TMEM132B: variants seen among roughly 807,000 people sequenced by gnomAD.
TMEM132B encodes transmembrane protein 132B.
Under a neutral mutation model 90.8 loss-of-function variants are expected in TMEM132B, and 18 were observed. That is an observed-to-expected ratio of 0.20 (90% CI 0.14 to 0.29). The LOEUF is 0.29. Among genes scored for constraint, TMEM132B ranks in the 10% least tolerant of loss-of-function variants. TMEM132B has a pLI of 1.00. For missense variants in TMEM132B, 1,096 were observed against 1,326.8 expected (o/e 0.83, Z 2.70); for synonymous variants, 504 against 523.3 (o/e 0.96, Z 0.50).
chr12:125,571,670 C>G (rs10773174), intron 4 of TMEM132B, among the ~76,000 whole-genome samples: 48,873 of 152,026 alleles, frequency 0.32, 9,119 homozygotes, highest in East Asian at 0.58. Context: ...AATACCTTCA[C>G]TAAAATCCCC....
At chr12:125,508,045 T>C (rs1362175166) in intron 3 of TMEM132B, among the ~76,000 whole-genome samples, 1 of 152,170 alleles carries the variant, frequency 6.6e-6, no homozygotes, top group Non-Finnish European at 1.5e-5. Context: ...CTGGACACAT[T>C]ACACGTGCAC....
chr12:125,473,576 A>G (rs944185803), intron 3 of TMEM132B, among the ~76,000 whole-genome samples: 2 of 152,150 alleles, frequency 1.3e-5, no homozygotes, highest in African/African-American at 4.8e-5. Context: ...GTTGAAGTAT[A>G]TTTTCATTCT....
chr12:125,351,011 T>C (rs1304232256), intron 2 of TMEM132B, among the ~76,000 whole-genome samples: 2 of 152,292 alleles, frequency 1.3e-5, no homozygotes, highest in African/African-American at 2.4e-5. Flanking sequence ...AGTTTTTTAG[T>C]GCGGGGGTTT....
chr12:125,653,718 G>A lies in TMEM132B; in HGVS notation c.2260G>A (p.Val754Ile), dbSNP rs868358981. Reference protein sequence around the residue: ...ANLESKWPIVVAEGEGQGPLI... With the variant: ...ANLESKWPIVIAEGEGQGPLI... ...CCTTGAGTCCAAATGGCCAATTGTG[G>A]TTGCAGAGGGTGAAGGACAAGGGCC... Residue 754 changes from valine to isoleucine, a missense_variant, in exon 9 of 9, where the codon GTT (valine) becomes ATT (isoleucine). By Grantham distance (29) the Val-to-Ile change is conservative (BLOSUM62 3). Transcript: ENST00000682704. 1 of 1,614,124 alleles carries A rather than the reference G, an allele frequency of 6.2e-7. No homozygotes were observed. The highest frequency in any genetic ancestry group is 1.6e-4 in the Middle Eastern group (1 of 6,062).
At chr12:125,198,264 G>A (rs1872974358) in intron 1 of TMEM132B, among the ~76,000 whole-genome samples, 1 of 152,220 alleles carries the variant, frequency 6.6e-6, no homozygotes, top group Non-Finnish European at 1.5e-5. Flanking sequence ...ACAAAAATGG[G>A]AATGTAGGCA....
chr12:125,370,286 A>T (rs1265786045), intron 2 of TMEM132B, among the ~76,000 whole-genome samples: 1 of 152,228 alleles, frequency 6.6e-6, no homozygotes, highest in African/African-American at 2.4e-5. Context: ...GGATTTTATG[A>T]TTATGTTGTT....
At chr12:125,386,582 C>T (rs1878842159) in intron 2 of TMEM132B, among the ~76,000 whole-genome samples, 1 of 152,068 alleles carries the variant, frequency 6.6e-6, no homozygotes, top group Admixed American at 6.5e-5. Flanking sequence ...TCTACTTGTT[C>T]GTTTGTTACA....
chr12:125,450,168 T>A lies in TMEM132B; in HGVS notation c.1106+34491T>A, dbSNP rs555353768. The stretch of plus-strand genomic sequence containing the variant: ...GCTATGAGGATAACTTGCAGTCAAA[T>A]TTTACCATTTTATATTCTTTTGTAT... On this transcript the variant is annotated intron_variant, in intron 3 of 8. Transcript: ENST00000682704. 9.2e-5 allele frequency among the ~76,000 whole-genome samples: 14 copies of A among 152,324 alleles called. No individual in the cohort carries two copies. The South Asian group carries it at 2.9e-3, about 32-fold the overall frequency.
At chr12:125,379,711 T>C (rs1181135815) in intron 2 of TMEM132B, among the ~76,000 whole-genome samples, 1 of 152,220 alleles carries the variant, frequency 6.6e-6, no homozygotes, top group Non-Finnish European at 1.5e-5. Context: ...GCTTTGCCAT[T>C]GAGCAGAGCC....
intron 1 of TMEM132B, among the ~76,000 whole-genome samples, chr12:125,205,720 G>A (rs539959524): frequency 6.6e-6 from 1 of 152,342 alleles, no homozygotes; most frequent in African/African-American, 2.4e-5. Context: ...TTCAGTGTGA[G>A]TGTCTCAAGA....
chr12:125,525,722 A>G (rs528593988), intron 4 of TMEM132B, among the ~76,000 whole-genome samples: 39 of 152,128 alleles, frequency 2.6e-4, no homozygotes, highest in Non-Finnish European at 5.0e-4. Context: ...CTCTTAGCCA[A>G]CGGCCACTCC....
At chr12:125,573,780 T>A (rs1884864407) in intron 4 of TMEM132B, among the ~76,000 whole-genome samples, 2 of 152,178 alleles carry the variant, frequency 1.3e-5, no homozygotes, top group African/African-American at 4.8e-5. Context: ...ATTCCACCTG[T>A]GTTTCATTGG....
chr12:125,295,257 G>A (rs953039999), intron 1 of TMEM132B, among the ~76,000 whole-genome samples: 5 of 152,236 alleles, frequency 3.3e-5, no homozygotes, highest in Non-Finnish European at 5.9e-5. Flanking sequence ...TGGGCTGGGA[G>A]TGGGAGAACC....
Position 125,645,123 on chromosome 12 carries a change from CAGGAGAATGGCCTGAACCCGGG to C in TMEM132B, c.1643+846_1643+867del, listed in dbSNP as rs1273056539. On this transcript the variant is annotated intron_variant, in intron 6 of 8. Transcript: ENST00000682704. ...GTCCCAGCTACTCGGGAAGCTGAGGCAGGAGAATGGCCTGAACCCGGGAGGCGGAGCTTGCAGTGAGCCGAGA... is the reference window on the plus strand; with the variant it reads ...GTCCCAGCTACTCGGGAAGCTGAGGCAGGCGGAGCTTGCAGTGAGCCGAGA... 2.0e-4 allele frequency among the ~76,000 whole-genome samples: 30 copies of C among 147,868 alleles called. No homozygotes were observed. The Admixed American group carries it at 2.1e-3, about 10-fold the overall frequency.
At chr12:125,274,948 C>T (rs1030570396) in intron 1 of TMEM132B, among the ~76,000 whole-genome samples, 2 of 152,090 alleles carry the variant, frequency 1.3e-5, no homozygotes, top group Admixed American at 6.5e-5. Context: ...AAAAAAATAA[C>T]CTAAGGATTC....
chr12:125,344,079 C>T (rs1269872705), intron 1 of TMEM132B, among the ~76,000 whole-genome samples: 2 of 152,030 alleles, frequency 1.3e-5, no homozygotes, highest in Non-Finnish European at 2.9e-5. Flanking sequence ...ACATCAAAGC[C>T]CCTTCTCTCA....
intron 1 of TMEM132B, among the ~76,000 whole-genome samples, chr12:125,272,699 C>T (rs1441564364): frequency 6.6e-6 from 1 of 152,160 alleles, no homozygotes; most frequent in Non-Finnish European, 1.5e-5. Context: ...GAGCTAAAGG[C>T]GGAGGGAAGG....
In TMEM132B at chr12:125,658,718, A is replaced by AT. The variant is rs1887134407; in HGVS notation, c.*4009dup. 6.6e-6 allele frequency: 1 copy of AT among 152,252 alleles called. No homozygotes were observed. Among genetic ancestry groups the AT allele is most frequent in the South Asian group, 2.1e-4 (1 of 4,836 alleles). The allele number at this position is 152,252 out of a possible 1,614,324, so 9.4% of individuals were successfully genotyped here. A position where few individuals can be genotyped will look rare whatever the true frequency, so the allele number is the denominator to read the frequency against. ...ACACCGAGTTTTTTAAAGTGAAAGC[A>AT]TGCAAAATCGTAGCTTTTAAATGTA... On this transcript the variant is annotated 3_prime_UTR_variant, in exon 9 of 9. Transcript: ENST00000682704.
At chr12:125,484,028 C>T (rs1399863118) in intron 3 of TMEM132B, among the ~76,000 whole-genome samples, 1 of 152,120 alleles carries the variant, frequency 6.6e-6, no homozygotes, top group Admixed American at 6.6e-5. Context: ...GCTGAGCAGG[C>T]ACCCCTAAGA....
Sources: allele counts gnomAD v4.1 joint callset (sites outside exome capture counted in the v4.1 genomes callset), GRCh38; gene constraint gnomAD v4.1.1; transcripts MANE v1.5; gene names NCBI Gene and HGNC (gene_info 2026-07-23, HGNC 2026-07-21).